The following RAB11FIP4 variants were observed in gnomAD, a reference collection of about 807,000 sequenced individuals.
RAB11FIP4 encodes the protein RAB11 family interacting protein 4.
A neutral mutation model predicts 74.3 loss-of-function variants in RAB11FIP4; 23 were observed. The ratio of observed to expected loss-of-function variants is 0.31; its 90% CI spans 0.22 to 0.44. The LOEUF is 0.44. Among genes scored for constraint, RAB11FIP4 ranks in the 20% least tolerant of loss-of-function variants. RAB11FIP4 has a pLI of 1.00. For synonymous variants in RAB11FIP4, 360 were observed against 359.9 expected (o/e 1.00, Z 0.00); for missense variants, 630 against 863.9 (o/e 0.73, Z 3.39).
chr17:31,529,094 C>CTT (rs10701171), intron 13 of RAB11FIP4, among the ~76,000 whole-genome samples: 12,226 of 133,544 alleles, frequency 0.092, 742 homozygotes, highest in African/African-American at 0.16. Flanking sequence ...CCCAAGGTTC[C>CTT]TTTTTTTTTT....
chr17:31,520,957 T>G, intron 4 of RAB11FIP4: 1 of 362,976 alleles, frequency 2.8e-6, no homozygotes, highest in Non-Finnish European at 4.9e-6. Flanking sequence ...TGGAGTAGCA[T>G]GGGTAGAATT....
At chr17:31,527,670 G>A (rs1484876442) in intron 10 of RAB11FIP4, 172 bp from the exon 11 acceptor site, 2 of 560,620 alleles carry the variant, frequency 3.6e-6, no homozygotes, top group Admixed American at 6.9e-5. Context: ...TGCTTTGGCT[G>A]ATAGGAAGCT....
At chr17:31,396,678 C>T (rs1434364342) in intron 1 of RAB11FIP4, among the ~76,000 whole-genome samples, 5 of 152,218 alleles carry the variant, frequency 3.3e-5, no homozygotes, top group African/African-American at 1.2e-4. Flanking sequence ...GTTCCTGCCC[C>T]TCTTACGTCC....
At position 31,537,097 on chromosome 17, in the gene RAB11FIP4, G is replaced by C. The variant is rs1597995735; in HGVS notation, c.*5365G>C. 6 of 399,596 alleles carry C rather than the reference G, an allele frequency of 1.5e-5. No homozygotes were observed. In the East Asian group the frequency reaches 2.1e-4, roughly 14 times the overall value. 24.8% of individuals were successfully genotyped at this position (399,596 alleles called of 1,614,324 possible). Reference sequence around the variant, plus strand: ...CCATCCGCTTTGCTGTGCTGCACAGGCTGTTTTCATCTGCATGGTTTGGGG... The same window carrying C: ...CCATCCGCTTTGCTGTGCTGCACAGCCTGTTTTCATCTGCATGGTTTGGGG... On this transcript the variant is annotated 3_prime_UTR_variant, in exon 15 of 15. Coordinates refer to ENST00000621161, the MANE Select transcript of RAB11FIP4 (RefSeq NM_032932.6).
At chr17:31,400,551 AAGGGGCCGGGG>A (rs1252402850) in intron 1 of RAB11FIP4, among the ~76,000 whole-genome samples, 4 of 152,202 alleles carry the variant, frequency 2.6e-5, no homozygotes, top group Non-Finnish European at 1.5e-5. Context: ...GGAGAGGCAG[AAGGGGCCGGGG>A]AGAGGCAGGG....
intron 10 of RAB11FIP4, chr17:31,526,914 C>T (rs57103981): frequency 0.089 from 13,618 of 152,360 alleles, 728 homozygotes; most frequent in East Asian, 0.25. Flanking sequence ...ACTGAGACTC[C>T]GTCTCAAAAC....
chr17:31,435,014 C>CA (rs2071344975), intron 3 of RAB11FIP4, among the ~76,000 whole-genome samples: 2 of 119,378 alleles, frequency 1.7e-5, no homozygotes, highest in Non-Finnish European at 3.8e-5. Context: ...GATGAGACCC[C>CA]GTCTCTACAT....
intron 1 of RAB11FIP4, among the ~76,000 whole-genome samples, chr17:31,398,028 C>A (rs1369274157): frequency 6.6e-6 from 1 of 152,138 alleles, no homozygotes; most frequent in Non-Finnish European, 1.5e-5. Flanking sequence ...GTATATGCCA[C>A]CATGCTCAGC....
chr17:31,419,741 G>A (rs1339556124), intron 1 of RAB11FIP4, among the ~76,000 whole-genome samples: 3 of 151,878 alleles, frequency 2.0e-5, no homozygotes, highest in South Asian at 4.2e-4. Flanking sequence ...TAGTAGAGAC[G>A]GGGTTTCACT....
intron 3 of RAB11FIP4, among the ~76,000 whole-genome samples, chr17:31,502,312 C>T (rs2072237424): frequency 6.6e-6 from 1 of 151,980 alleles, no homozygotes; most frequent in Admixed American, 6.5e-5. Context: ...GGCGAGGTGG[C>T]TCACACCTGT....
chr17:31,464,969 G>A (rs1416310062), intron 3 of RAB11FIP4, among the ~76,000 whole-genome samples: 1 of 151,404 alleles, frequency 6.6e-6, no homozygotes, highest in Non-Finnish European at 1.5e-5. Context: ...ATGTTGCCCA[G>A]GCTGGTCTCG....
At chr17:31,413,708 G>T (rs1042349300) in intron 1 of RAB11FIP4, among the ~76,000 whole-genome samples, 3 of 152,110 alleles carry the variant, frequency 2.0e-5, no homozygotes, top group Non-Finnish European at 4.4e-5. Context: ...CAAGCCCTCT[G>T]GGCTGTCTGT....
intron 3 of RAB11FIP4, among the ~76,000 whole-genome samples, chr17:31,434,564 A>G (rs1394103773): frequency 6.6e-6 from 1 of 152,192 alleles, no homozygotes; most frequent in African/African-American, 2.4e-5. Flanking sequence ...ACCCAGCATT[A>G]GCACAGACTC....
At chr17:31,495,805 C>T (rs955391368) in intron 3 of RAB11FIP4, among the ~76,000 whole-genome samples, 8 of 152,196 alleles carry the variant, frequency 5.3e-5, no homozygotes, top group African/African-American at 1.9e-4. Context: ...GATTTTATAG[C>T]AGCAGGTGTG....
intron 1 of RAB11FIP4, among the ~76,000 whole-genome samples, chr17:31,395,096 T>C (rs577079867): frequency 4.6e-5 from 7 of 152,280 alleles, no homozygotes; most frequent in African/African-American, 1.7e-4. Context: ...TTAGAGCTGA[T>C]TGTCCACAGT....
intron 3 of RAB11FIP4, 44 bp from the exon 4 acceptor site, chr17:31,517,607 G>A (rs772093511): frequency 1.3e-6 from 2 of 1,530,354 alleles, no homozygotes; most frequent in South Asian, 1.2e-5. Context: ...CTGAGCCCTG[G>A]GAAGCTGGCC....
chr17:31,491,106 A>G (rs2142752703), intron 3 of RAB11FIP4, among the ~76,000 whole-genome samples: 1 of 152,394 alleles, frequency 6.6e-6, no homozygotes, highest in South Asian at 2.1e-4. Context: ...ATTAGGCACC[A>G]CAAGACAGGC....
intron 3 of RAB11FIP4, among the ~76,000 whole-genome samples, chr17:31,466,418 T>C (rs1319661894): frequency 6.6e-6 from 1 of 152,192 alleles, no homozygotes; most frequent in Non-Finnish European, 1.5e-5. Context: ...GTTATGAGGA[T>C]TAAATGAATT....
intron 3 of RAB11FIP4, 77 bp from the exon 4 acceptor site, chr17:31,517,574 G>T (rs538334403): frequency 2.2e-6 from 3 of 1,384,108 alleles, no homozygotes; most frequent in South Asian, 1.3e-5. Flanking sequence ...CCTGGCTGAT[G>T]CCCTTGTGGT....
Sources: allele counts gnomAD v4.1 joint callset (sites outside exome capture counted in the v4.1 genomes callset), GRCh38; gene constraint gnomAD v4.1.1; transcripts MANE v1.5; gene names NCBI Gene and HGNC (gene_info 2026-07-23, HGNC 2026-07-21).